The following EP400 variants were observed in gnomAD, a reference collection of about 807,000 sequenced individuals.
EP400 encodes E1A-binding protein p400.
Under a neutral mutation model 354.1 loss-of-function variants are expected in EP400, and 105 were observed. That is an observed-to-expected ratio of 0.30 (90% CI 0.25 to 0.35). The LOEUF (loss-of-function observed/expected upper bound fraction) is 0.35. Among genes scored for constraint, EP400 ranks in the 10% least tolerant of loss-of-function variants. The pLI, the probability that EP400 is intolerant of heterozygous loss-of-function variation, is 1.00. For missense variants in EP400, 3,280 were observed against 4,121.0 expected, an observed-to-expected ratio of 0.80 and a Z score of 5.59; for synonymous variants, 1,646 against 1,716.9, an observed-to-expected ratio of 0.96 and a Z score of 1.02.
Position 131,988,654 on chromosome 12 carries a change from A to G in EP400, c.2409+764A>G, listed in dbSNP as rs1199175596. Among the ~76,000 whole-genome samples the G allele has an allele frequency of 2.0e-5, 3 of 152,314 alleles. No individual in the cohort carries two copies. In the East Asian group the frequency reaches 5.8e-4, roughly 29 times the overall value. ...AGACTCTGGAGGCCCTACTGCTAAC[A>G]CTAGAAAAGTGAGAACAAGTGGTAG... On this transcript the variant is annotated intron_variant, in intron 7 of 52. Coordinates refer to ENST00000389561, the MANE Select transcript of EP400 (RefSeq NM_015409.5).
chr12:132,029,419 A>AC lies in EP400; in HGVS notation c.5382-280dup, dbSNP rs1213354120. The AC allele has an allele frequency of 1.9e-6, 1 of 516,470 alleles. No homozygotes were observed. Among genetic ancestry groups the AC allele is most frequent in the Non-Finnish European group, 3.5e-6 (1 of 289,644 alleles). The allele number at this position is 516,470 out of a possible 1,614,324, so 32.0% of individuals were successfully genotyped here. On this transcript the variant is annotated intron_variant, in intron 27 of 52. Coordinates refer to ENST00000389561, the MANE Select transcript of EP400 (RefSeq NM_015409.5). The surrounding 1 kb of genome is among the most constrained non-coding windows in gnomAD (Gnocchi z 4.7). ...CTAGAAAGAGAATGGCTTATCTCTG[A>AC]CCTGGTGCCTGCGGCCTAGGGAATC... is the stretch of plus-strand genomic sequence containing the variant.
At chr12:132,073,919 GTTT>G (rs34186152) in intron 51 of EP400, among the ~76,000 whole-genome samples, 3 of 82,120 alleles carry the variant, frequency 3.7e-5, no homozygotes, top group Non-Finnish European at 6.7e-5. Flanking sequence ...GTTTTTTGGG[GTTT>G]TTTTTTTTTT....
chr12:132,055,524 G>GGTT (rs749609265), intron 45 of EP400, among the ~76,000 whole-genome samples: 2 of 135,084 alleles, frequency 1.5e-5, no homozygotes, highest in African/African-American at 5.7e-5. Flanking sequence ...GAGGTGTAGG[G>GGTT]GTGTGTGTGA....
chr12:131,971,172 C>G (rs147364329), intron 2 of EP400, among the ~76,000 whole-genome samples: 1 of 152,078 alleles, frequency 6.6e-6, no homozygotes, highest in African/African-American at 2.4e-5. Context: ...CCACTACACT[C>G]CAGGCTGGGC....
Position 132,062,165 on chromosome 12 carries a change from C to T in EP400, c.7940C>T (p.Ala2647Val), listed in dbSNP as rs1443847067. Residue 2647 changes from alanine to valine, a missense_variant, in exon 46 of 53, where the codon GCA becomes GTA. Physicochemically the swap from Ala to Val is moderately conservative, Grantham distance 64 (BLOSUM62 0). Around this residue, in one of 20 missense-constraint regions of EP400, gnomAD observed 255 missense variants for 295.9 expected, o/e 0.86. Coordinates refer to ENST00000389561, the MANE Select transcript of EP400 (RefSeq NM_015409.5). The stretch of plus-strand genomic sequence containing the variant: ...GTGCACACCCAGCCCCCGCCACGGG[C>T]AGTCGGCTCCCCAGCCACGGCGACC... ...QVVHTQPPPR[A>V]VGSPATATPD... is the part of the protein sequence containing the mutation. The T allele has an allele frequency of 1.2e-6, 2 of 1,614,050 alleles. No individual in the cohort carries two copies. Among genetic ancestry groups the T allele is most frequent in the Non-Finnish European group, 1.7e-6 (2 of 1,179,970 alleles).
At chr12:131,972,801 G>T (rs528662379) in intron 2 of EP400, among the ~76,000 whole-genome samples, 2 of 136,976 alleles carry the variant, frequency 1.5e-5, no homozygotes, top group African/African-American at 5.7e-5. Context: ...GCGCGATCTC[G>T]ACTCACTACA....
intron 2 of EP400, chr12:131,963,765 C>T: frequency 1.4e-6 from 1 of 698,064 alleles, no homozygotes; most frequent in South Asian, 2.0e-5. Flanking sequence ...TCTTATTTTT[C>T]AACAGTAAAA....
chr12:132,023,688 C>A, intron 23 of EP400, 89 bp from the exon 24 acceptor site: 1 of 1,279,302 alleles, frequency 7.8e-7, no homozygotes, highest in Non-Finnish European at 1.1e-6. Flanking sequence ...GATAGATGGT[C>A]ATTATATACA....
chr12:132,074,147 A>T, intron 51 of EP400, among the ~76,000 whole-genome samples: 1 of 151,726 alleles, frequency 6.6e-6, no homozygotes, highest in East Asian at 2.0e-4. Flanking sequence ...CTGGTCTCGA[A>T]CACCTGACCT....
At position 132,037,742 on chromosome 12, in the gene EP400, C is replaced by A; in HGVS notation, c.6012C>A (p.Ile2004=). Residue 2004 remains isoleucine, a synonymous_variant, in exon 31 of 53, where the codon ATC becomes ATA. Coordinates refer to ENST00000389561, the MANE Select transcript of EP400 (RefSeq NM_015409.5). ...KLLKNGTKDL[I]REVAAQGNDY... ...TGAAAAATGGAACTAAAGATCTGAT[C>A]CGAGAAGTGGCTGCTCAGGGAAATG... 1.2e-6 allele frequency: 2 copies of A among 1,614,218 alleles called. No homozygotes were observed. The highest frequency in any genetic ancestry group is 2.2e-5 in the South Asian group (2 of 91,082).
At chr12:132,045,178 A>G (rs1895048444) in intron 37 of EP400, 141 bp from the exon 38 acceptor site, 1 of 1,381,676 alleles carries the variant, frequency 7.2e-7, no homozygotes, top group South Asian at 1.4e-5. Context: ...GCCCGAAAGC[A>G]GGTCTGTCTT....
At chr12:132,074,269 G>C (rs953266073) in intron 51 of EP400, among the ~76,000 whole-genome samples, 2 of 152,252 alleles carry the variant, frequency 1.3e-5, no homozygotes, top group East Asian at 3.9e-4. Flanking sequence ...TCCTCACTGT[G>C]GCTGCTTTTG....
Position 132,018,276 on chromosome 12 carries a change from T to G in EP400, c.4177T>G (p.Leu1393Val), listed in dbSNP as rs755433486. The G allele has an allele frequency of 6.2e-7, 1 of 1,613,568 alleles. No homozygotes were observed. The highest frequency in any genetic ancestry group is 1.3e-5 in the African/African-American group (1 of 74,902). The change falls in exon 21 of 53, where the codon TTG becomes GTG. Residue 1393 changes from leucine to valine, a missense_variant. Leu to Val is a conservative substitution (Grantham distance 32). Coordinates refer to ENST00000389561, the MANE Select transcript of EP400 (RefSeq NM_015409.5). This position sits in a 1 kb window ranked among gnomAD's most constrained non-coding sequence, Gnocchi z 4.0. ...TAAAATCACTCGTCACGAGGCAGAG[T>G]TGCTGTCTAAGAAAAAGATACCGCG... ...ENKITRHEAE[L>V]LSKKKIPRKL...
At chr12:131,956,629 A>G (rs762084660) in intron 1 of EP400, among the ~76,000 whole-genome samples, 3 of 152,130 alleles carry the variant, frequency 2.0e-5, no homozygotes, top group Non-Finnish European at 4.4e-5. Context: ...GTCTACTCCT[A>G]CAGGGCGTTT....
chr12:131,985,473 C>T (rs1434508999), intron 5 of EP400, among the ~76,000 whole-genome samples: 1 of 152,228 alleles, frequency 6.6e-6, no homozygotes, highest in Non-Finnish European at 1.5e-5. Flanking sequence ...TTCTGTCTCC[C>T]TTCAGCTTTT....
At chr12:132,077,364 C>G (rs1462921065) in intron 52 of EP400, 37 bp from the exon 53 acceptor site, 24 of 1,589,082 alleles carry the variant, frequency 1.5e-5, no homozygotes, top group Non-Finnish European at 2.1e-5. Flanking sequence ...GACTGAGTTT[C>G]CTGGGCAATG....
At position 131,987,983 on chromosome 12, in the gene EP400, CTTTTTTTTT is replaced by C. The variant is rs778740521; in HGVS notation, c.2409+110_2409+118del. 1.3e-3 allele frequency: 352 copies of C among 268,720 alleles called. 1 individual carries two copies. The highest frequency in any genetic ancestry group is 8.5e-3 in the African/African-American group (279 of 32,634). 16.6% of individuals were successfully genotyped at this position (268,720 alleles called of 1,614,324 possible). ...AGTGGTGGGGAGGTCTCCAGACCCA[CTTTTTTTTT>C]TTTTTTTTTTTTTTTTCCCCCAGAC... On this transcript the variant is annotated intron_variant, in intron 7 of 52. Coordinates refer to ENST00000389561, the MANE Select transcript of EP400 (RefSeq NM_015409.5).
rs957635241 is a variant in EP400, at chr12:132,052,880, C to T, written c.7395-266C>T. 1.3e-5 allele frequency among the ~76,000 whole-genome samples: 2 copies of T among 152,044 alleles called. No individual in the cohort carries two copies. Among genetic ancestry groups the T allele is most frequent in the Non-Finnish European group, 2.9e-5 (2 of 67,994 alleles). ...GGTGGGCTGTGCGTTTGGGGGCTGCCACAAGTACGCTGGGGACGTGTTCGG... is the reference window on the plus strand; with the variant it reads ...GGTGGGCTGTGCGTTTGGGGGCTGCTACAAGTACGCTGGGGACGTGTTCGG... On this transcript the variant is annotated intron_variant, in intron 41 of 52. Transcript: ENST00000389561. This position sits in a 1 kb window ranked among gnomAD's most constrained non-coding sequence, Gnocchi z 4.4.
intron 15 of EP400, among the ~76,000 whole-genome samples, chr12:132,010,243 C>T (rs980309858): frequency 1.2e-4 from 19 of 152,072 alleles, no homozygotes; most frequent in Admixed American, 6.5e-5. Flanking sequence ...CACGCCACCA[C>T]GCCCAGCTAA....
Sources: allele counts gnomAD v4.1 joint callset (sites outside exome capture counted in the v4.1 genomes callset), GRCh38; gene constraint gnomAD v4.1.1; regional missense constraint gnomAD v4.1.1; non-coding constraint Gnocchi (gnomAD v3.1); transcripts MANE v1.5; gene names NCBI Gene and HGNC (gene_info 2026-07-23, HGNC 2026-07-21).